LTAP1: variants seen among roughly 807,000 people sequenced by gnomAD.
LTAP1 encodes the protein HCV NS5A-transactivated protein 4.
chr1:154,213,749 T>C, the LTAP1 span: 2 of 595,172 alleles, frequency 3.4e-6, no homozygotes, highest in South Asian at 2.1e-5. Flanking sequence ...AAATCTCTAA[T>C]CTAGTACTTT....
chr1:154,218,965 G>A, the LTAP1 span, among the ~76,000 whole-genome samples: 1 of 152,176 alleles, frequency 6.6e-6, no homozygotes, highest in South Asian at 2.1e-4. Flanking sequence ...AAGAATGAAT[G>A]AGCTAGCCAA....
chr1:154,216,722 G>T, the LTAP1 span, among the ~76,000 whole-genome samples: 1 of 151,802 alleles, frequency 6.6e-6, no homozygotes, highest in Non-Finnish European at 1.5e-5. Flanking sequence ...CACCATGCTC[G>T]CCAGGCTGGT....
At chr1:154,212,411 T>G in the LTAP1 span, 4 of 1,614,036 alleles carry the variant, frequency 2.5e-6, no homozygotes, top group Non-Finnish European at 3.4e-6. Context: ...TGAGGATCTC[T>G]CAGTCTGAGG....
the LTAP1 span, chr1:154,220,017 C>A: frequency 8.3e-7 from 1 of 1,202,896 alleles, no homozygotes; most frequent in South Asian, 1.5e-5. Context: ...TGCCTTCATT[C>A]CAAATCCCCA....
the LTAP1 span, chr1:154,213,410 G>GT: frequency 6.5e-5 from 10 of 154,312 alleles, no homozygotes; most frequent in African/African-American, 2.4e-4. Context: ...TCATTTGGTG[G>GT]TAACACCACA....
the LTAP1 span, among the ~76,000 whole-genome samples, chr1:154,209,404 T>G: frequency 6.6e-6 from 1 of 151,192 alleles, no homozygotes; most frequent in African/African-American, 2.4e-5. Context: ...CATGTTCATT[T>G]TCATCAGTGC....
At chr1:154,209,188 C>T in the LTAP1 span, among the ~76,000 whole-genome samples, 1 of 152,104 alleles carries the variant, frequency 6.6e-6, no homozygotes, top group African/African-American at 2.4e-5. Flanking sequence ...TTTCATCTTG[C>T]AAAACTGAAA....
At chr1:154,215,780 T>A in the LTAP1 span, among the ~76,000 whole-genome samples, 1 of 151,768 alleles carries the variant, frequency 6.6e-6, no homozygotes, top group Non-Finnish European at 1.5e-5. Flanking sequence ...ATAAAAAGCA[T>A]AATAATGAAC....
At chr1:154,207,251 C>A in the LTAP1 span, 1 of 481,562 alleles carries the variant, frequency 2.1e-6, no homozygotes, top group South Asian at 3.3e-5. Flanking sequence ...TAGTCTTAGC[C>A]AATGTTCTAA....
chr1:154,219,227 T>C, the LTAP1 span, among the ~76,000 whole-genome samples: 1 of 152,178 alleles, frequency 6.6e-6, no homozygotes. Context: ...CAGTTGGCAA[T>C]ATATGTAAGG....
the LTAP1 span, chr1:154,212,859 A>G: frequency 2.7e-5 from 13 of 480,054 alleles, 1 homozygote; most frequent in South Asian, 2.3e-4. Flanking sequence ...ACAAAAATAC[A>G]AAAGGGTTTC....
At chr1:154,213,858 G>T in the LTAP1 span, 3 of 1,590,344 alleles carry the variant, frequency 1.9e-6, no homozygotes, top group Non-Finnish European at 2.6e-6. Flanking sequence ...TGGGCTTTCA[G>T]GATCCTAGAA....
At chr1:154,220,533 G>T in the LTAP1 span, 4 of 926,368 alleles carry the variant, frequency 4.3e-6, no homozygotes, top group Middle Eastern at 2.2e-4. Context: ...TACGGGGGAA[G>T]ACCAAGCCAG....
At chr1:154,214,559 T>A in the LTAP1 span, 3 of 1,610,710 alleles carry the variant, frequency 1.9e-6, no homozygotes, top group Non-Finnish European at 2.5e-6. Flanking sequence ...CGAATATCAA[T>A]CTCCTCTTTC....
the LTAP1 span, among the ~76,000 whole-genome samples, chr1:154,208,956 C>G: frequency 6.6e-6 from 1 of 152,180 alleles, no homozygotes; most frequent in African/African-American, 2.4e-5. Context: ...CCATGTTGGC[C>G]AGGCTGGTCT....
At chr1:154,212,459 C>T in the LTAP1 span, 34 of 1,614,004 alleles carry the variant, frequency 2.1e-5, no homozygotes, top group Non-Finnish European at 2.8e-5. Flanking sequence ...CTGGCTTACC[C>T]CTGTCCCATA....
chr1:154,211,176 T>C, the LTAP1 span, among the ~76,000 whole-genome samples: 1 of 151,670 alleles, frequency 6.6e-6, no homozygotes, highest in Admixed American at 6.6e-5. Context: ...AGCTAATTTT[T>C]GTATTTTCAG....
chr1:154,215,792 C>T, the LTAP1 span, among the ~76,000 whole-genome samples: 1 of 151,676 alleles, frequency 6.6e-6, no homozygotes, highest in Non-Finnish European at 1.5e-5. Flanking sequence ...ATAATGAACA[C>T]CTATAACCAA....
chr1:154,207,204 G>A, the LTAP1 span: 7 of 390,958 alleles, frequency 1.8e-5, no homozygotes, highest in African/African-American at 8.3e-5. Context: ...AATAACACCT[G>A]AATGCAAATC....
Sources: gnomAD v4.1 joint callset for allele counts (sites outside exome capture counted in the v4.1 genomes callset) on GRCh38, gnomAD v4.1.1 for gene constraint, MANE v1.5 for transcripts, NCBI Gene and HGNC (gene_info 2026-07-23, HGNC 2026-07-21) for gene names.